Variants in SNX30 observed in about 807,000 individuals in gnomAD.
SNX30 encodes the protein sorting nexin family member 30, also known as sorting nexin-30.
In SNX30, 24 loss-of-function variants were observed where a neutral mutation model predicts 46.4. That is an observed-to-expected ratio of 0.52 (90% confidence interval 0.37 to 0.73). SNX30 has a LOEUF of 0.73. Ranked by LOEUF, SNX30 falls within the 30% of genes least tolerant of loss-of-function variation. The probability of loss-of-function intolerance (pLI) is 0.00; values close to 1 mark genes in which losing one functional copy is unlikely to be tolerated. For missense variants in SNX30, 533 were observed against 555.7 expected (o/e 0.96, Z 0.41); for synonymous variants, 189 against 211.5 (o/e 0.89, Z 0.92).
At chr9:112,834,370 C>G (rs374971696) in intron 4 of SNX30, among the ~76,000 whole-genome samples, 8 of 152,278 alleles carry the variant, frequency 5.3e-5, no homozygotes, top group Admixed American at 2.6e-4. Context: ...GTTGGGCTTC[C>G]CGTGACCTCT....
chr9:112,771,787 A>G (rs1839653147), intron 1 of SNX30, among the ~76,000 whole-genome samples: 1 of 152,230 alleles, frequency 6.6e-6, no homozygotes, highest in South Asian at 2.1e-4. Context: ...TAACTGCTCA[A>G]AACCCCAAAG....
At chr9:112,817,371 C>G (rs1458528776) in intron 2 of SNX30, among the ~76,000 whole-genome samples, 2 of 91,560 alleles carry the variant, frequency 2.2e-5, no homozygotes, top group Non-Finnish European at 4.0e-5. Flanking sequence ...AATTCTATTT[C>G]CTGACGGTAG....
At chr9:112,755,177 G>C (rs1206791617) in intron 1 of SNX30, among the ~76,000 whole-genome samples, 2 of 152,226 alleles carry the variant, frequency 1.3e-5, no homozygotes, top group Non-Finnish European at 2.9e-5. Flanking sequence ...CATGGAAGGA[G>C]GAAAAAGGAG....
At chr9:112,751,636 G>A (rs1052422686) in intron 1 of SNX30, among the ~76,000 whole-genome samples, 2 of 152,208 alleles carry the variant, frequency 1.3e-5, no homozygotes, top group African/African-American at 2.4e-5. Context: ...AGTCAGTCAT[G>A]TGGGGAGTGA....
rs41280189 is a variant in SNX30, at chr9:112,838,547, C to T, written c.864C>T (p.Ser288=). The part of the protein sequence containing the change: ...REYGPVYSTW[S]ALEGELAEPL... Reference sequence around the variant, plus strand: ...ACGGGCCTGTGTACTCCACATGGAGCGCCTTGGAGGGTGAGCTGGCTGAAC... The same window carrying T: ...ACGGGCCTGTGTACTCCACATGGAGTGCCTTGGAGGGTGAGCTGGCTGAAC... The change falls in exon 6 of 9, where the codon AGC becomes AGT. Residue 288 remains serine (S), a synonymous_variant. Coordinates refer to ENST00000374232, the MANE Select transcript of SNX30 (RefSeq NM_001012994.2). The T allele has an allele frequency of 0.09, 145,904 of 1,613,680 alleles. 7,230 individuals are homozygous for T. Among genetic ancestry groups the T allele is most frequent in the Non-Finnish European group, 0.1 (122,165 of 1,179,600 alleles).
intron 3 of SNX30, among the ~76,000 whole-genome samples, chr9:112,821,510 G>A (rs1157965345): frequency 3.3e-5 from 5 of 151,092 alleles, no homozygotes; most frequent in African/African-American, 4.9e-5. Flanking sequence ...TTTTTGAGGC[G>A]GAGTCTCGCC....
At chr9:112,826,847 A>G (rs1272194760) in intron 3 of SNX30, among the ~76,000 whole-genome samples, 3 of 152,242 alleles carry the variant, frequency 2.0e-5, no homozygotes, top group Non-Finnish European at 2.9e-5. Flanking sequence ...AAGGACAGCC[A>G]TATCCCATTA....
In SNX30 at chr9:112,869,080, G is replaced by A. The variant is rs10114623; in HGVS notation, c.*237G>A. ...AGCAAGAGCAGCATACCTCCATGTT[G>A]TGAAGGCATCTGTTCAGTGAAGCAC... On this transcript the variant is annotated 3_prime_UTR_variant, in exon 9 of 9. Coordinates refer to ENST00000374232, the MANE Select transcript of SNX30 (RefSeq NM_001012994.2). The A allele has an allele frequency of 0.86, 472,960 of 552,640 alleles. 203,842 individuals carry two copies. Among genetic ancestry groups the A allele is most frequent in the Non-Finnish European group, 0.9 (276,793 of 307,082 alleles). 34.2% of individuals were successfully genotyped at this position (552,640 alleles called of 1,614,324 possible).
In SNX30 at chr9:112,787,800, CT is replaced by C. The variant is rs796350806; in HGVS notation, c.157-16963del. 3.2e-3 allele frequency among the ~76,000 whole-genome samples: 447 copies of C among 138,300 alleles called. 1 individual carries two copies. Among genetic ancestry groups the C allele is most frequent in the Middle Eastern group, 7.3e-3 (2 of 274 alleles). The allele number at this position is 138,300 out of a possible 152,430, so 90.7% of individuals were successfully genotyped here. The stretch of plus-strand genomic sequence containing the variant: ...TTCGGTAATTTTTGAGGCAAGGACG[CT>C]TTTTTTTTTTTTAAAGATGGAGTCT... On this transcript the variant is annotated intron_variant, in intron 1 of 8. Coordinates refer to ENST00000374232, the MANE Select transcript of SNX30 (RefSeq NM_001012994.2).
At chr9:112,825,820 C>G (rs1394155048) in intron 3 of SNX30, among the ~76,000 whole-genome samples, 1 of 152,056 alleles carries the variant, frequency 6.6e-6, no homozygotes, top group Non-Finnish European at 1.5e-5. Flanking sequence ...AACCCAGATT[C>G]CTATGTGTAA....
intron 1 of SNX30, among the ~76,000 whole-genome samples, chr9:112,787,569 CTG>C (rs1839950179): frequency 6.6e-6 from 1 of 152,084 alleles, no homozygotes. Context: ...AGTTTAGAAT[CTG>C]TCGTGATTTT....
At chr9:112,778,053 T>C (rs999984757) in intron 1 of SNX30, among the ~76,000 whole-genome samples, 1 of 152,060 alleles carries the variant, frequency 6.6e-6, no homozygotes, top group Non-Finnish European at 1.5e-5. Context: ...TGGAGGTTCA[T>C]TGGACTGGTT....
chr9:112,803,918 C>G, intron 1 of SNX30, among the ~76,000 whole-genome samples: 1 of 120,120 alleles, frequency 8.3e-6, no homozygotes, highest in Non-Finnish European at 1.7e-5. Flanking sequence ...ATCCGTCACC[C>G]CTTTCTTTGA....
At chr9:112,787,795 G>A (rs1176855968) in intron 1 of SNX30, among the ~76,000 whole-genome samples, 1 of 151,046 alleles carries the variant, frequency 6.6e-6, no homozygotes, top group African/African-American at 2.4e-5. Flanking sequence ...TTTGAGGCAA[G>A]GACGCTTTTT....
At chr9:112,834,215 G>A (rs1418652063) in intron 4 of SNX30, among the ~76,000 whole-genome samples, 1 of 152,126 alleles carries the variant, frequency 6.6e-6, no homozygotes, top group Non-Finnish European at 1.5e-5. Context: ...TTGCCAGCTG[G>A]ATGTCCACCA....
At chr9:112,877,786 C>T (rs150120011), downstream of SNX30, 115 of 152,280 alleles carry the variant, frequency 7.6e-4, no homozygotes, top group African/African-American at 2.6e-3. Flanking sequence ...GTGGCCCAGT[C>T]ATAGCTCACT....
downstream of SNX30, among the ~76,000 whole-genome samples, chr9:112,884,205 G>A (rs1841618130): frequency 6.6e-6 from 1 of 152,216 alleles, no homozygotes; most frequent in East Asian, 1.9e-4. Flanking sequence ...ACAGCCCCCT[G>A]GGATTGCAAA....
intron 1 of SNX30, among the ~76,000 whole-genome samples, chr9:112,775,177 C>T (rs191459775): frequency 3.7e-5 from 4 of 109,554 alleles, no homozygotes; most frequent in East Asian, 2.6e-4. Flanking sequence ...TTTTTTGAGA[C>T]GGAGTTTTAC....
At chr9:112,825,839 GACAGTA>G (rs1386793568) in intron 3 of SNX30, among the ~76,000 whole-genome samples, 1 of 152,106 alleles carries the variant, frequency 6.6e-6, no homozygotes, top group Admixed American at 6.6e-5. Context: ...AAACAACCCA[GACAGTA>G]ATAGAGGTGA....
Sources: gnomAD v4.1 joint callset for allele counts (sites outside exome capture counted in the v4.1 genomes callset) on GRCh38, gnomAD v4.1.1 for gene constraint, MANE v1.5 for transcripts, NCBI Gene and HGNC (gene_info 2026-07-23, HGNC 2026-07-21) for gene names.